The following DYNC1I2 variants were observed in gnomAD, a reference collection of about 807,000 sequenced individuals.
DYNC1I2 encodes dynein cytoplasmic 1 intermediate chain 2, also known as cytoplasmic dynein 1 intermediate chain 2.
DYNC1I2 carries 53 observed loss-of-function variants against 88.6 expected under a neutral mutation model. The ratio of observed to expected loss-of-function variants is 0.60; its 90% confidence interval spans 0.48 to 0.75. The LOEUF (loss-of-function observed/expected upper bound fraction) is 0.75. DYNC1I2 is among the 30% of genes least tolerant of loss of function. The pLI, the probability that DYNC1I2 is intolerant of heterozygous loss-of-function variation, is 0.00. For synonymous variants in DYNC1I2, 198 were observed against 254.6 expected, an observed-to-expected ratio of 0.78 and a Z score of 2.12; for missense variants, 458 against 766.6, an observed-to-expected ratio of 0.60 and a Z score of 4.75.
chr2:171,746,011 T>A (rs892007887), intron 17 of DYNC1I2, 84 bp downstream of exon 17: 2 of 1,449,778 alleles, frequency 1.4e-6, no homozygotes, highest in African/African-American at 2.8e-5. Flanking sequence ...CCCTAGGCTT[T>A]GAGGTTTATG....
intron 6 of DYNC1I2, among the ~76,000 whole-genome samples, chr2:171,713,220 G>T (rs1369389556): frequency 3.3e-5 from 5 of 152,012 alleles, no homozygotes; most frequent in African/African-American, 1.2e-4. Context: ...GAATAATGGA[G>T]ATGCTGGTCC....
intron 2 of DYNC1I2, among the ~76,000 whole-genome samples, 162 bp from the exon 3 acceptor site, chr2:171,692,615 G>C (rs904662834): frequency 2.0e-5 from 3 of 152,124 alleles, no homozygotes; most frequent in Non-Finnish European, 4.4e-5. Context: ...GAACTCTATT[G>C]AGAATGATTT....
chr2:171,713,302 A>G (rs1379483724), intron 6 of DYNC1I2, among the ~76,000 whole-genome samples: 1 of 152,156 alleles, frequency 6.6e-6, no homozygotes, highest in African/African-American at 2.4e-5. Context: ...TCTAGAATAA[A>G]TAAATGAGTG....
At chr2:171,708,097 TAGTG>T (rs1463911189) in intron 5 of DYNC1I2, among the ~76,000 whole-genome samples, 1 of 106,832 alleles carries the variant, frequency 9.4e-6, no homozygotes, top group Non-Finnish European at 2.2e-5. Context: ...ACACACAAAA[TAGTG>T]AGTATTAAAT....
chr2:171,733,428 C>A (rs1380858952), intron 15 of DYNC1I2, among the ~76,000 whole-genome samples: 1 of 128,720 alleles, frequency 7.8e-6, no homozygotes, highest in Non-Finnish European at 1.6e-5. Context: ...AGTGTAAAAA[C>A]GTTCCTTTTT....
intron 15 of DYNC1I2, among the ~76,000 whole-genome samples, chr2:171,732,368 T>A (rs1026830237): frequency 2.0e-5 from 3 of 152,198 alleles, no homozygotes; most frequent in African/African-American, 7.2e-5. Flanking sequence ...GAAAAAGTAA[T>A]GATAATCTTT....
intron 14 of DYNC1I2, among the ~76,000 whole-genome samples, chr2:171,729,484 T>C (rs1688465656): frequency 6.6e-6 from 1 of 152,202 alleles, no homozygotes; most frequent in Non-Finnish European, 1.5e-5. Flanking sequence ...AGGTCTGTTG[T>C]CAACAGCATG....
intron 10 of DYNC1I2, 25 bp from the exon 11 acceptor site, chr2:171,726,761 ATTTCT>A: frequency 6.2e-7 from 1 of 1,609,014 alleles, no homozygotes; most frequent in East Asian, 2.2e-5. Flanking sequence ...TATGCATAGC[ATTTCT>A]TTTCTTCTTG....
chr2:171,705,255 T>C (rs1686590810), intron 3 of DYNC1I2, among the ~76,000 whole-genome samples: 1 of 152,098 alleles, frequency 6.6e-6, no homozygotes, highest in Non-Finnish European at 1.5e-5. Context: ...GATTAACATT[T>C]TTTAAAAATG....
At chr2:171,696,536 ATTC>A (rs1411431593) in intron 3 of DYNC1I2, among the ~76,000 whole-genome samples, 5 of 152,162 alleles carry the variant, frequency 3.3e-5, no homozygotes, top group African/African-American at 9.6e-5. Context: ...ATGCAAATAT[ATTC>A]TTCTATGTTT....
chr2:171,709,058 TACA>T (rs1170306081), intron 5 of DYNC1I2, among the ~76,000 whole-genome samples: 1 of 152,134 alleles, frequency 6.6e-6, no homozygotes, highest in East Asian at 1.9e-4. Flanking sequence ...TTTTCCCTTC[TACA>T]ACATTACCAT....
chr2:171,726,316 G>T (rs370187651), intron 10 of DYNC1I2, 23 bp downstream of exon 10: 2 of 1,486,336 alleles, frequency 1.3e-6, no homozygotes, highest in Non-Finnish European at 1.8e-6. Flanking sequence ...AAAATAGGCC[G>T]CTCTTAACTC....
Position 171,747,929 on chromosome 2 carries a change from G to T in DYNC1I2, c.*40G>T, listed in dbSNP as rs1689915141. The T allele has an allele frequency of 5.0e-6, 7 of 1,388,276 alleles. No individual in the cohort carries two copies. In the East Asian group the frequency reaches 1.4e-4, roughly 28 times the overall value. 86.0% of individuals were successfully genotyped at this position (1,388,276 alleles called of 1,614,324 possible). On this transcript the variant is annotated 3_prime_UTR_variant, in exon 18 of 18. Transcript: ENST00000397119. ...AGTGTAACTAGTGGATTTGGGAAAG[G>T]TTCTTAAGTAGATCCTGAGACTATT...
chr2:171,706,245 T>C (rs186375232), intron 3 of DYNC1I2, among the ~76,000 whole-genome samples: 5 of 152,170 alleles, frequency 3.3e-5, no homozygotes, highest in Admixed American at 3.3e-4. Flanking sequence ...ATTAGTCACT[T>C]AATATCATAC....
intron 7 of DYNC1I2, among the ~76,000 whole-genome samples, chr2:171,717,298 A>G (rs1451247005): frequency 6.6e-6 from 1 of 151,924 alleles, no homozygotes; most frequent in Non-Finnish European, 1.5e-5. Flanking sequence ...TATTTTTAGT[A>G]GAGATAGGGT....
intron 15 of DYNC1I2, 85 bp downstream of exon 15, chr2:171,729,938 T>G: frequency 2.0e-6 from 3 of 1,465,862 alleles, no homozygotes; most frequent in Non-Finnish European, 2.8e-6. Context: ...GATGAAAACC[T>G]TTTAAATCAT....
chr2:171,725,598 GTTT>G lies in DYNC1I2; in HGVS notation c.512-6_512-4del, dbSNP rs746910264. ...ATTCTGTTTTTTTGTTTTTTTGTTT[GTTT>G]TTTTTTTTTTTTTCAGATGAAGAGG... On this transcript the variant is annotated splice_polypyrimidine_tract_variant and intron_variant, in intron 7 of 17. Transcript: ENST00000397119. 603 of 892,732 alleles carry G rather than the reference GTTT, an allele frequency of 6.8e-4. 1 individual carries two copies. Among genetic ancestry groups the G allele is most frequent in the East Asian group, 1.5e-3 (42 of 28,918 alleles). The allele number at this position is 892,732 out of a possible 1,614,324, so 55.3% of individuals were successfully genotyped here.
At chr2:171,730,006 C>T (rs758227354) in intron 15 of DYNC1I2, among the ~76,000 whole-genome samples, 153 bp downstream of exon 15, 3 of 152,188 alleles carry the variant, frequency 2.0e-5, no homozygotes, top group Non-Finnish European at 2.9e-5. Flanking sequence ...GAGTGAACTA[C>T]TAGATGTTGT....
intron 7 of DYNC1I2, among the ~76,000 whole-genome samples, chr2:171,721,218 C>G (rs937377892): frequency 1.3e-5 from 2 of 151,434 alleles, no homozygotes; most frequent in African/African-American, 4.9e-5. Context: ...TCTTATTTTC[C>G]CCCCAAGTTA....
Sources: gnomAD v4.1 joint callset for allele counts (sites outside exome capture counted in the v4.1 genomes callset) on GRCh38, gnomAD v4.1.1 for gene constraint, MANE v1.5 for transcripts, NCBI Gene and HGNC (gene_info 2026-07-23, HGNC 2026-07-21) for gene names.